HERC2: variants seen among roughly 807,000 people sequenced by gnomAD.
The protein encoded by HERC2 is HECT and RLD domain containing E3 ubiquitin protein ligase 2, also known as E3 ubiquitin-protein ligase HERC2.
A neutral mutation model predicts 537.7 loss-of-function variants in HERC2; 102 were observed. The ratio of observed to expected loss-of-function variants is 0.19; its 90% CI spans 0.16 to 0.22. The LOEUF is 0.22. Among genes scored for constraint, HERC2 ranks in the 10% least tolerant of loss-of-function variants. HERC2 has a pLI of 1.00. For synonymous variants in HERC2, 2,224 were observed against 2,466.2 expected, an observed-to-expected ratio of 0.90 and a Z score of 2.91; for missense variants, 4,236 against 6,198.2, an observed-to-expected ratio of 0.68 and a Z score of 10.63.
chr15:28,207,377 C>G (rs1898596022), intron 44 of HERC2, among the ~76,000 whole-genome samples: 1 of 152,184 alleles, frequency 6.6e-6, no homozygotes. Context: ...CTCAGGTGAT[C>G]CACCCGCCTC....
At chr15:28,200,123 A>G (rs1182548111) in intron 48 of HERC2, among the ~76,000 whole-genome samples, 4 of 152,158 alleles carry the variant, frequency 2.6e-5, no homozygotes, top group Admixed American at 1.3e-4. Context: ...CAGGATGGGC[A>G]TGGTGGCTCA....
intron 55 of HERC2, among the ~76,000 whole-genome samples, chr15:28,187,222 C>T (rs1896391105): frequency 6.6e-6 from 1 of 152,142 alleles, no homozygotes; most frequent in Non-Finnish European, 1.5e-5. Flanking sequence ...CAGTTACCAA[C>T]ATGTGACCAA....
chr15:28,314,269 C>T (rs1331351927), intron 2 of HERC2, among the ~76,000 whole-genome samples: 1 of 151,374 alleles, frequency 6.6e-6, no homozygotes, highest in African/African-American at 2.4e-5. Context: ...ATCCTGAAAA[C>T]AGAAATATAA....
intron 59 of HERC2, among the ~76,000 whole-genome samples, chr15:28,178,290 C>A (rs1895489555): frequency 6.6e-6 from 1 of 152,238 alleles, no homozygotes; most frequent in Non-Finnish European, 1.5e-5. Context: ...TGGCCCTGGA[C>A]TCTGGGGGCG....
At chr15:28,298,038 T>A (rs868189453) in intron 3 of HERC2, among the ~76,000 whole-genome samples, 1,101 of 143,868 alleles carry the variant, frequency 7.7e-3, no homozygotes, top group African/African-American at 0.028. Flanking sequence ...TGTGTGTGTG[T>A]GAATATTTTC....
At chr15:28,262,547 G>A (rs2075442429) in intron 15 of HERC2, among the ~76,000 whole-genome samples, 1 of 152,192 alleles carries the variant, frequency 6.6e-6, no homozygotes, top group African/African-American at 2.4e-5. Context: ...TGGCTCCACA[G>A]CACAATGCAC....
intron 20 of HERC2, among the ~76,000 whole-genome samples, chr15:28,253,933 G>A (rs1202187602): frequency 6.6e-6 from 1 of 152,266 alleles, no homozygotes; most frequent in East Asian, 1.9e-4. Context: ...CTGCACTCCA[G>A]CCTGGGCAAT....
intron 15 of HERC2, 122 bp downstream of exon 15, chr15:28,262,796 G>A: frequency 3.9e-6 from 4 of 1,034,212 alleles, no homozygotes; most frequent in Non-Finnish European, 5.7e-6. Context: ...GGAATGTCAG[G>A]TTAAGAACAT....
chr15:28,245,746 A>G (rs1445112112), intron 23 of HERC2, 135 bp downstream of exon 23: 30 of 804,744 alleles, frequency 3.7e-5, no homozygotes, highest in Non-Finnish European at 5.2e-5. Flanking sequence ...GATTATCTCC[A>G]TTTTTTACTT....
intron 23 of HERC2, among the ~76,000 whole-genome samples, chr15:28,245,616 TAC>T (rs1205853026): frequency 6.8e-6 from 1 of 147,516 alleles, no homozygotes; most frequent in Non-Finnish European, 1.5e-5. Context: ...GATATATATA[TAC>T]ACACACATAT....
intron 36 of HERC2, among the ~76,000 whole-genome samples, chr15:28,221,771 C>T (rs915006491): frequency 6.6e-6 from 1 of 150,698 alleles, no homozygotes; most frequent in Non-Finnish European, 1.5e-5. Context: ...GTTCCAGTGA[C>T]CCATCAAACT....
chr15:28,133,139 T>A (rs1455318302), intron 79 of HERC2, among the ~76,000 whole-genome samples: 22 of 139,178 alleles, frequency 1.6e-4, no homozygotes, highest in African/African-American at 5.3e-4. Context: ...TTAACGGGTT[T>A]AAAAAAAAAA....
At chr15:28,163,879 T>C (rs1596097344) in intron 68 of HERC2, among the ~76,000 whole-genome samples, 2 of 152,190 alleles carry the variant, frequency 1.3e-5, no homozygotes, top group East Asian at 3.9e-4. Context: ...CACATCTTGA[T>C]CCTTCAACTC....
intron 65 of HERC2, among the ~76,000 whole-genome samples, chr15:28,172,756 T>C: frequency 6.6e-6 from 1 of 152,148 alleles, no homozygotes; most frequent in East Asian, 1.9e-4. Flanking sequence ...ATAAAATGAA[T>C]AAACTAGGCT....
At chr15:28,210,902 T>C (rs1899136196) in intron 44 of HERC2, 100 bp downstream of exon 44, 4 of 1,075,024 alleles carry the variant, frequency 3.7e-6, no homozygotes, top group Non-Finnish European at 5.8e-6. Flanking sequence ...TGTACATTTA[T>C]AAGCCACCTA....
At chr15:28,139,607 T>C (rs1890987689) in intron 78 of HERC2, among the ~76,000 whole-genome samples, 1 of 152,240 alleles carries the variant, frequency 6.6e-6, no homozygotes, top group South Asian at 2.1e-4. Context: ...GTACATTACA[T>C]GAGAGTATCT....
intron 69 of HERC2, among the ~76,000 whole-genome samples, chr15:28,159,423 G>A (rs1237854108): frequency 1.3e-5 from 2 of 152,142 alleles, no homozygotes; most frequent in African/African-American, 2.4e-5. Context: ...TTTCTTGGAG[G>A]TTTTGTTCAT....
intron 22 of HERC2, 68 bp downstream of exon 22, chr15:28,246,674 A>G: frequency 7.4e-7 from 1 of 1,356,032 alleles, no homozygotes; most frequent in South Asian, 1.5e-5. Context: ...CTGATCAGCA[A>G]AGAAGACACT....
chr15:28,145,504 C>A (rs1246247965), intron 71 of HERC2, among the ~76,000 whole-genome samples: 1 of 152,224 alleles, frequency 6.6e-6, no homozygotes, highest in African/African-American at 2.4e-5. Flanking sequence ...GTCAAAGCAC[C>A]AGAAAAACCC....
Sources: gnomAD v4.1 joint callset for allele counts (sites outside exome capture counted in the v4.1 genomes callset) on GRCh38, gnomAD v4.1.1 for gene constraint, MANE v1.5 for transcripts, NCBI Gene and HGNC (gene_info 2026-07-23, HGNC 2026-07-21) for gene names.